The following CACNA1D variants were observed in gnomAD, a reference collection of about 807,000 sequenced individuals.
CACNA1D encodes the protein calcium voltage-gated channel subunit alpha1 D, also known as voltage-dependent L-type calcium channel subunit alpha-1D.
Under a neutral mutation model 257.1 loss-of-function variants are expected in CACNA1D, and 55 were observed. The observed-to-expected ratio is 0.21, with a 90% CI of 0.17 to 0.27. The LOEUF is 0.27. Ranked by LOEUF, CACNA1D falls within the 10% of genes least tolerant of loss-of-function variation. The pLI, the probability that CACNA1D is intolerant of heterozygous loss-of-function variation, is 1.00. For missense variants in CACNA1D, 1,876 were observed against 2,784.0 expected (o/e 0.67, Z 7.34); for synonymous variants, 980 against 1,014.9 (o/e 0.97, Z 0.65).
At chr3:53,753,532 G>T in intron 28 of CACNA1D, 40 bp from the exon 29 acceptor site, 1 of 1,314,430 alleles carries the variant, frequency 7.6e-7, no homozygotes, top group Non-Finnish European at 1.1e-6. Context: ...TGAGATCGTG[G>T]CTGAGGCTCT....
rs141345680 is a variant in CACNA1D at position 53,749,087 on chromosome 3, T to A, written c.3315-181T>A. On this transcript the variant is annotated intron_variant, in intron 26 of 47. Coordinates refer to ENST00000350061, the MANE Select transcript of CACNA1D (RefSeq NM_001128840.3). ...TATCCTGGGTGCCCCCTCCTCTTAG[T>A]GCTGGCTGTTTGGGCCTGAGGCTGA... is the stretch of plus-strand genomic sequence containing the variant. The A allele has an allele frequency of 2.5e-4, 179 of 702,086 alleles. 1 individual carries two copies. The African/African-American group carries it at 2.9e-3, about 11-fold the overall frequency. The allele number at this position is 702,086 out of a possible 1,614,324, so 43.5% of individuals were successfully genotyped here.
Position 53,802,179 on chromosome 3 carries a change from T to G in CACNA1D, c.5435+6T>G. ...TATTATGAAACTTACATTAGGTATG[T>G]GCTCATTACCTGTTTTTGTGTTAAA... On this transcript the variant is annotated splice_donor_region_variant and intron_variant, in intron 43 of 47. Transcript: ENST00000350061. The G allele has an allele frequency of 6.2e-7, 1 of 1,603,040 alleles. No homozygotes were observed.
intron 31 of CACNA1D, 100 bp downstream of exon 31, chr3:53,770,117 C>G (rs2095358150): frequency 9.9e-7 from 1 of 1,011,266 alleles, no homozygotes; most frequent in Non-Finnish European, 1.6e-6. Flanking sequence ...CCATGATTGT[C>G]CTTCCAGAAC....
chr3:53,582,032 T>A (rs2093141017), intron 3 of CACNA1D, among the ~76,000 whole-genome samples: 1 of 152,178 alleles, frequency 6.6e-6, no homozygotes, highest in Admixed American at 6.6e-5. Context: ...GTTTGTACTG[T>A]ATGCACAGAT....
intron 3 of CACNA1D, among the ~76,000 whole-genome samples, chr3:53,630,801 G>T (rs563598980): frequency 4.6e-5 from 7 of 152,266 alleles, no homozygotes; most frequent in African/African-American, 1.4e-4. Flanking sequence ...TGGTTGGTTT[G>T]GTTCCAGACT....
chr3:53,766,105 CTTA>C (rs983999038), intron 30 of CACNA1D: 6 of 152,344 alleles, frequency 3.9e-5, no homozygotes, highest in African/African-American at 1.4e-4. Context: ...CTGTATCTGC[CTTA>C]TTATTACTTA....
At chr3:53,552,615 A>G (rs2092557555) in intron 3 of CACNA1D, among the ~76,000 whole-genome samples, 1 of 152,114 alleles carries the variant, frequency 6.6e-6, no homozygotes, top group East Asian at 1.9e-4. Flanking sequence ...TCCTGACCTC[A>G]AGTGATCTGC....
Position 53,803,520 on chromosome 3 carries a change from T to C in CACNA1D, c.5533T>C (p.Tyr1845His). The C allele has an allele frequency of 6.2e-7, 1 of 1,613,714 alleles. No individual in the cohort carries two copies. Among genetic ancestry groups the C allele is most frequent in the Non-Finnish European group, 8.5e-7 (1 of 1,179,882 alleles). ...RDPHCLGEQE[Y>H]FSSEECYEDD... ...CCCCCACTGCTTGGGGGAGCAGGAG[T>C]ATTTCAGTAGTGAGGAATGCTACGA... The change falls in exon 44 of 48, where the codon TAT (tyrosine) becomes CAT (histidine). Residue 1845 changes from tyrosine (Y) to histidine (H), a missense_variant. Tyr to His is a moderately conservative substitution (Grantham distance 83). Around this residue, in one of 10 missense-constraint regions of CACNA1D, gnomAD observed 491 missense variants for 554.3 expected, o/e 0.89. Coordinates refer to ENST00000350061, the MANE Select transcript of CACNA1D (RefSeq NM_001128840.3).
rs552477291 is a variant in CACNA1D at position 53,804,976 on chromosome 3, C to T, written c.5586-7C>T. The stretch of plus-strand genomic sequence containing the variant: ...AGAACCTTACTGCCCTCCTCTCTGA[C>T]CTCCAGGCAAAACTATGGCTACTAC... On this transcript the variant is annotated splice_region_variant and splice_polypyrimidine_tract_variant and intron_variant, in intron 44 of 47. Coordinates refer to ENST00000350061, the MANE Select transcript of CACNA1D (RefSeq NM_001128840.3). 1 of 1,613,950 alleles carries T rather than the reference C, an allele frequency of 6.2e-7. No homozygotes were observed. Among genetic ancestry groups the T allele is most frequent in the Non-Finnish European group, 8.5e-7 (1 of 1,179,852 alleles).
intron 8 of CACNA1D, among the ~76,000 whole-genome samples, chr3:53,699,246 G>A (rs548317267): frequency 1.3e-5 from 2 of 152,118 alleles, no homozygotes; most frequent in East Asian, 1.9e-4. Flanking sequence ...CAATCCTAAC[G>A]GGTTTGTGGC....
At chr3:53,770,044 G>A (rs1275197294) in intron 31 of CACNA1D, 27 bp downstream of exon 31, 3 of 1,589,130 alleles carry the variant, frequency 1.9e-6, no homozygotes, top group Non-Finnish European at 2.6e-6. Flanking sequence ...GTCCCCAGGG[G>A]CTGGGCCTTT....
chr3:53,626,644 T>G (rs532545716), intron 3 of CACNA1D, among the ~76,000 whole-genome samples: 14 of 152,312 alleles, frequency 9.2e-5, no homozygotes, highest in South Asian at 6.2e-4. Context: ...GAAAAGTGAC[T>G]GTGGTTTCAG....
At chr3:53,525,338 G>T (rs1346528880) in intron 3 of CACNA1D, among the ~76,000 whole-genome samples, 1 of 152,122 alleles carries the variant, frequency 6.6e-6, no homozygotes, top group African/African-American at 2.4e-5. Context: ...AGTGATTTCT[G>T]TGTATTATTG....
At chr3:53,617,804 A>T (rs2093653476) in intron 3 of CACNA1D, among the ~76,000 whole-genome samples, 1 of 152,192 alleles carries the variant, frequency 6.6e-6, no homozygotes, top group Non-Finnish European at 1.5e-5. Flanking sequence ...GTAGATATTT[A>T]CATGTGAGCC....
chr3:53,620,635 A>G (rs913076792), intron 3 of CACNA1D, among the ~76,000 whole-genome samples: 1 of 152,238 alleles, frequency 6.6e-6, no homozygotes, highest in African/African-American at 2.4e-5. Flanking sequence ...AGCCCAAAGG[A>G]ACAAAATTTG....
intron 28 of CACNA1D, 53 bp from the exon 29 acceptor site, chr3:53,753,519 A>G: frequency 2.6e-6 from 3 of 1,176,448 alleles, no homozygotes; most frequent in Admixed American, 1.7e-5. Flanking sequence ...ATGTGCAAGC[A>G]TGTGAGATCG....
intron 3 of CACNA1D, among the ~76,000 whole-genome samples, chr3:53,549,471 G>A (rs1302200733): frequency 6.6e-6 from 1 of 152,092 alleles, no homozygotes; most frequent in Non-Finnish European, 1.5e-5. Flanking sequence ...GAACAGAAAT[G>A]ATTACTTTTC....
intron 9 of CACNA1D, among the ~76,000 whole-genome samples, chr3:53,711,506 C>T (rs1191741482): frequency 6.6e-6 from 1 of 152,220 alleles, no homozygotes; most frequent in East Asian, 1.9e-4. Context: ...AAAGCTTTGC[C>T]TATGCACACC....
chr3:53,627,468 T>C (rs17053283), intron 3 of CACNA1D, among the ~76,000 whole-genome samples: 9,192 of 151,982 alleles, frequency 0.06, 915 homozygotes, highest in African/African-American at 0.21. Context: ...CTTGCAAACG[T>C]GATTGTCTTG....
Sources: allele counts gnomAD v4.1 joint callset (sites outside exome capture counted in the v4.1 genomes callset), GRCh38; gene constraint gnomAD v4.1.1; regional missense constraint gnomAD v4.1.1; transcripts MANE v1.5; gene names NCBI Gene and HGNC (gene_info 2026-07-23, HGNC 2026-07-21).